Variants in MARCO observed in about 807,000 individuals in gnomAD.
MARCO encodes the protein macrophage receptor with collagenous structure.
In MARCO, 72 loss-of-function variants were observed where a neutral mutation model predicts 70.0. The observed-to-expected ratio is 1.03, with a 90% CI of 0.85 to 1.25. The LOEUF is 1.25. Among genes scored for constraint, MARCO ranks in the 50% most tolerant of loss-of-function variants. The probability of loss-of-function intolerance (pLI) is 0.00; values close to 1 mark genes in which losing one functional copy is unlikely to be tolerated. For synonymous variants in MARCO, 273 were observed against 243.1 expected (o/e 1.12, Z -1.14); for missense variants, 696 against 659.3 (o/e 1.06, Z -0.61).
rs372995961 is a variant in MARCO at position 118,949,035 on chromosome 2, C to A, written c.97+6638C>A. Among the ~76,000 whole-genome samples, 46 of 152,228 alleles carry A rather than the reference C, an allele frequency of 3.0e-4. 1 individual carries two copies. In the East Asian group the frequency reaches 8.7e-3, roughly 29 times the overall value. ...CATCCTGTTAAGTCTCCAAGGAATGCCAGATTTTTCCCCTTGTCATTGGAT... is the reference window on the plus strand; with the variant it reads ...CATCCTGTTAAGTCTCCAAGGAATGACAGATTTTTCCCCTTGTCATTGGAT... On this transcript the variant is annotated intron_variant, in intron 1 of 16. Coordinates refer to ENST00000327097, the MANE Select transcript of MARCO (RefSeq NM_006770.4).
chr2:118,993,337 G>C, intron 16 of MARCO, 37 bp downstream of exon 16: 1 of 1,601,616 alleles, frequency 6.2e-7, no homozygotes, highest in Non-Finnish European at 8.5e-7. Context: ...CTTCCCCAGA[G>C]GTGTGGATGT....
At chr2:118,945,952 T>C (rs1679589692) in intron 1 of MARCO, among the ~76,000 whole-genome samples, 1 of 152,148 alleles carries the variant, frequency 6.6e-6, no homozygotes, top group African/African-American at 2.4e-5. Context: ...AACCCTCAAG[T>C]CCGTTCAGGC....
chr2:118,980,494 A>G (rs1250660693), intron 8 of MARCO, among the ~76,000 whole-genome samples: 1 of 152,192 alleles, frequency 6.6e-6, no homozygotes, highest in African/African-American at 2.4e-5. Context: ...CACTGGAGAG[A>G]AGGCTGGTGT....
At chr2:118,984,626 T>G (rs572707456) in intron 12 of MARCO, among the ~76,000 whole-genome samples, 1 of 152,342 alleles carries the variant, frequency 6.6e-6, no homozygotes, top group South Asian at 2.1e-4. Context: ...CAGAGGGGAA[T>G]TCCAATAGGA....
chr2:118,942,453 C>A, intron 1 of MARCO, 56 bp downstream of exon 1: 1 of 1,367,752 alleles, frequency 7.3e-7, no homozygotes. Context: ...TTTCTGCTAG[C>A]GAGATACGAA....
chr2:118,990,597 G>A lies in MARCO; in HGVS notation c.1072G>A (p.Gly358Arg). The change falls in exon 13 of 17, where the codon GGA becomes AGA. Residue 358 changes from glycine to arginine, a missense_variant. Gly to Arg is a moderately radical substitution (Grantham distance 125). Around this residue, in one of 3 missense-constraint regions of MARCO, gnomAD observed 605 missense variants for 537.6 expected, o/e 1.13. Transcript: ENST00000327097. ...TTTTGTTTTGATCTTAGGACTTCAA[G>A]GACAGCAAGGAAGAAAAGGAGAATC... Reference protein sequence around the residue: ...KGSKGDTGLQGQQGRKGESGV... With the variant: ...KGSKGDTGLQRQQGRKGESGV... 1.3e-6 allele frequency: 2 copies of A among 1,484,320 alleles called. No homozygotes were observed. Among genetic ancestry groups the A allele is most frequent in the East Asian group, 2.4e-5 (1 of 40,984 alleles). The allele number at this position is 1,484,320 out of a possible 1,614,324, so 91.9% of individuals were successfully genotyped here.
At chr2:118,980,707 G>A (rs572216524) in intron 8 of MARCO, among the ~76,000 whole-genome samples, 1 of 152,222 alleles carries the variant, frequency 6.6e-6, no homozygotes, top group South Asian at 2.1e-4. Flanking sequence ...GCTGATGGTG[G>A]GACCTTGGCA....
chr2:118,981,309 T>G (rs1446139518), intron 8 of MARCO, 100 bp from the exon 9 acceptor site: 4 of 771,964 alleles, frequency 5.2e-6, no homozygotes, highest in Non-Finnish European at 8.7e-6. Flanking sequence ...TCAAGGAGTT[T>G]AGGGTTTGGG....
intron 1 of MARCO, among the ~76,000 whole-genome samples, chr2:118,963,562 T>G (rs950562754): frequency 4.6e-4 from 70 of 152,170 alleles, no homozygotes; most frequent in Admixed American, 2.5e-3. Flanking sequence ...ATGTACATTC[T>G]GCTGTTGCTA....
At chr2:118,948,265 A>G (rs1679640602) in intron 1 of MARCO, among the ~76,000 whole-genome samples, 1 of 152,204 alleles carries the variant, frequency 6.6e-6, no homozygotes, top group African/African-American at 2.4e-5. Context: ...TTTATCCCTT[A>G]CACATTTGGT....
chr2:118,992,064 G>A (rs1027251814), intron 14 of MARCO, among the ~76,000 whole-genome samples, 189 bp downstream of exon 14: 2 of 152,198 alleles, frequency 1.3e-5, no homozygotes, highest in Non-Finnish European at 2.9e-5. Context: ...ACACAGCAGC[G>A]GGTTAGGCGC....
chr2:118,946,619 G>T (rs985099384), intron 1 of MARCO, among the ~76,000 whole-genome samples: 1 of 144,888 alleles, frequency 6.9e-6, no homozygotes, highest in Non-Finnish European at 1.5e-5. Context: ...TACAAATAAA[G>T]TTGCCATGAC....
chr2:118,956,466 C>A (rs1679840430), intron 1 of MARCO, among the ~76,000 whole-genome samples: 1 of 103,072 alleles, frequency 9.7e-6, no homozygotes, highest in Admixed American at 8.1e-5. Flanking sequence ...ATTTATGCAC[C>A]TAACACTGGA....
At chr2:118,959,093 C>G (rs1679891130) in intron 1 of MARCO, among the ~76,000 whole-genome samples, 1 of 152,104 alleles carries the variant, frequency 6.6e-6, no homozygotes, top group African/African-American at 2.4e-5. Context: ...ATTTCATGAC[C>G]AAGAACCCAA....
In MARCO at chr2:118,942,248, G is replaced by T. The variant is rs1456021896; in HGVS notation, c.-53G>T. On this transcript the variant is annotated 5_prime_UTR_variant, in exon 1 of 17. An upstream open reading frame in the 5' UTR gains an earlier in-frame stop. Transcript: ENST00000327097. ...GATCTTTCTCCAAGTGGTTCCTCTT[G>T]AGGGGAGCATTTCTGCTGGCTCCAG... The T allele has an allele frequency of 8.2e-7, 1 of 1,216,594 alleles. No individual in the cohort carries two copies. Among genetic ancestry groups the T allele is most frequent in the African/African-American group, 1.5e-5 (1 of 67,048 alleles). 75.4% of individuals were successfully genotyped at this position (1,216,594 alleles called of 1,614,324 possible).
At chr2:118,974,139 G>A (rs1680228605) in intron 4 of MARCO, among the ~76,000 whole-genome samples, 194 bp from the exon 5 acceptor site, 1 of 152,236 alleles carries the variant, frequency 6.6e-6, no homozygotes, top group Non-Finnish European at 1.5e-5. Flanking sequence ...CTGTGACTCA[G>A]TGTCTCTCTT....
At chr2:118,956,098 A>T (rs1422378494) in intron 1 of MARCO, among the ~76,000 whole-genome samples, 2 of 152,214 alleles carry the variant, frequency 1.3e-5, no homozygotes, top group Non-Finnish European at 2.9e-5. Flanking sequence ...GAAACAAAGT[A>T]CAGGCAACAA....
At chr2:118,968,039 C>G (rs540473209) in intron 1 of MARCO, among the ~76,000 whole-genome samples, 1 of 152,286 alleles carries the variant, frequency 6.6e-6, no homozygotes, top group East Asian at 1.9e-4. Flanking sequence ...CCAGCTCTCT[C>G]CTCTGTAAAG....
At chr2:118,986,733 A>AGG (rs1680523377) in intron 12 of MARCO, among the ~76,000 whole-genome samples, 3 of 149,474 alleles carry the variant, frequency 2.0e-5, no homozygotes, top group African/African-American at 7.5e-5. Context: ...AAAGAAAGAA[A>AGG]GAAAGAGAAA....
Sources: allele counts gnomAD v4.1 joint callset (sites outside exome capture counted in the v4.1 genomes callset), GRCh38; gene constraint gnomAD v4.1.1; regional missense constraint gnomAD v4.1.1; transcripts MANE v1.5; gene names NCBI Gene and HGNC (gene_info 2026-07-23, HGNC 2026-07-21).